TPH2: variants seen among roughly 807,000 people sequenced by gnomAD.
TPH2 encodes the protein tryptophan 5-hydroxylase 2.
A neutral mutation model predicts 59.1 loss-of-function variants in TPH2; 27 were observed. The observed-to-expected ratio is 0.46, with a 90% CI of 0.34 to 0.63. TPH2 has a LOEUF of 0.63. TPH2 is among the 30% of genes least tolerant of loss of function. The probability of loss-of-function intolerance (pLI) is 0.01; values close to 1 mark genes in which losing one functional copy is unlikely to be tolerated. For missense variants in TPH2, 523 were observed against 588.3 expected, an observed-to-expected ratio of 0.89 and a Z score of 1.15; for synonymous variants, 220 against 210.5, an observed-to-expected ratio of 1.05 and a Z score of -0.39.
rs1871169449 is a variant in TPH2, at chr12:71,945,260, T to C, written c.540+574T>C. Among the ~76,000 whole-genome samples the C allele has an allele frequency of 2.0e-5, 3 of 152,114 alleles. No individual in the cohort carries two copies. In the South Asian group the frequency reaches 6.2e-4, roughly 32 times the overall value. On this transcript the variant is annotated intron_variant, in intron 4 of 10. Transcript: ENST00000333850. ...TCCTCTACTCCAATAAAAATGACCA[T>C]CTGTAAAGAAATATGATACTTGGGT...
chr12:71,939,113 C>G (rs780850771), intron 1 of TPH2, 22 bp downstream of exon 1: 1 of 1,577,212 alleles, frequency 6.3e-7, no homozygotes, highest in Non-Finnish European at 8.7e-7. Context: ...GTACCTGGCA[C>G]TATGGAGAAT....
intron 9 of TPH2, among the ~76,000 whole-genome samples, chr12:72,027,502 A>G (rs546048978): frequency 8.9e-4 from 136 of 152,354 alleles, no homozygotes; most frequent in African/African-American, 3.1e-3. Context: ...TTACAGAGGT[A>G]AAGTAATTTG....
intron 8 of TPH2, among the ~76,000 whole-genome samples, chr12:72,000,352 CT>C (rs1323872545): frequency 6.6e-6 from 1 of 152,176 alleles, no homozygotes. Context: ...TCTGTGGACC[CT>C]AATCAATAAT....
chr12:72,011,381 A>G (rs1233864878), intron 8 of TPH2, among the ~76,000 whole-genome samples: 1 of 152,232 alleles, frequency 6.6e-6, no homozygotes, highest in East Asian at 1.9e-4. Context: ...GAATTTTGTA[A>G]AAAATAGAAT....
intron 9 of TPH2, among the ~76,000 whole-genome samples, chr12:72,029,669 T>C (rs900354879): frequency 1.3e-5 from 2 of 152,168 alleles, no homozygotes; most frequent in South Asian, 4.1e-4. Flanking sequence ...GAAGTTGTTC[T>C]GTGGGCCAAA....
chr12:71,943,576 C>T (rs1268212430), intron 2 of TPH2, among the ~76,000 whole-genome samples: 4 of 152,098 alleles, frequency 2.6e-5, no homozygotes, highest in African/African-American at 9.7e-5. Context: ...CAAAAGAGAG[C>T]AATTATTAAA....
At chr12:72,024,294 C>A (rs954359299) in intron 9 of TPH2, among the ~76,000 whole-genome samples, 2 of 152,176 alleles carry the variant, frequency 1.3e-5, no homozygotes, top group East Asian at 1.9e-4. Flanking sequence ...TGGGGTGCAC[C>A]AGTCTGTCAG....
chr12:71,960,887 A>C (rs1157674033), intron 5 of TPH2, among the ~76,000 whole-genome samples: 1 of 152,230 alleles, frequency 6.6e-6, no homozygotes, highest in African/African-American at 2.4e-5. Flanking sequence ...TGTCATCTCC[A>C]GACCTGTTTC....
At chr12:71,972,421 C>T in intron 5 of TPH2, 98 bp from the exon 6 acceptor site, 3 of 1,205,248 alleles carry the variant, frequency 2.5e-6, no homozygotes, top group Admixed American at 1.7e-5. Flanking sequence ...ATGTGCTCCA[C>T]TTTGCCAGGG....
chr12:71,945,298 T>A (rs1871170220), intron 4 of TPH2, among the ~76,000 whole-genome samples: 1 of 152,140 alleles, frequency 6.6e-6, no homozygotes, highest in African/African-American at 2.4e-5. Context: ...GCATTTCCCA[T>A]TATTCTCCCC....
chr12:71,975,859 ATCT>A (rs1872104059), intron 6 of TPH2, among the ~76,000 whole-genome samples: 1 of 152,254 alleles, frequency 6.6e-6, no homozygotes, highest in South Asian at 2.1e-4. Flanking sequence ...TTCTCCTGTC[ATCT>A]TCTTCTTTGT....
chr12:71,969,038 C>T (rs1264189595), intron 5 of TPH2, among the ~76,000 whole-genome samples: 1 of 152,192 alleles, frequency 6.6e-6, no homozygotes, highest in East Asian at 1.9e-4. Context: ...AATCCCAGCA[C>T]TTTGGGAGGC....
At chr12:72,029,831 T>C (rs755139879) in intron 9 of TPH2, among the ~76,000 whole-genome samples, 1 of 152,126 alleles carries the variant, frequency 6.6e-6, no homozygotes, top group Non-Finnish European at 1.5e-5. Context: ...TTTTCAAACT[T>C]AGGGAACCAC....
intron 6 of TPH2, among the ~76,000 whole-genome samples, chr12:71,978,159 A>G (rs906000887): frequency 6.6e-6 from 1 of 152,066 alleles, no homozygotes; most frequent in Non-Finnish European, 1.5e-5. Flanking sequence ...CCTAGAATGT[A>G]TCCCCATTGT....
chr12:71,956,358 C>G (rs2139190245), intron 5 of TPH2, among the ~76,000 whole-genome samples: 1 of 152,200 alleles, frequency 6.6e-6, no homozygotes, highest in South Asian at 2.1e-4. Flanking sequence ...CACTGAGGAC[C>G]ATCTGGGAGG....
intron 5 of TPH2, chr12:71,962,206 G>C: frequency 1.0e-6 from 1 of 985,798 alleles, no homozygotes; most frequent in Non-Finnish European, 1.2e-6. Flanking sequence ...TGAAATTCAG[G>C]CATCATTTAG....
rs1274153629 is a variant in TPH2, at chr12:72,032,282, T to C, written c.*587T>C. The stretch of plus-strand genomic sequence containing the variant: ...AAACACCTTTTTACAAATGGAATTA[T>C]GTAGGTTGCGTTGACCTTGTAGAAC... On this transcript the variant is annotated 3_prime_UTR_variant, in exon 11 of 11. Coordinates refer to ENST00000333850, the MANE Select transcript of TPH2 (RefSeq NM_173353.4). The C allele has an allele frequency of 1.3e-5, 2 of 158,342 alleles. No individual in the cohort carries two copies. Among genetic ancestry groups the C allele is most frequent in the Non-Finnish European group, 2.8e-5 (2 of 71,614 alleles). The allele number at this position is 158,342 out of a possible 1,614,324, so 9.8% of individuals were successfully genotyped here. A position where few individuals can be genotyped will look rare whatever the true frequency, so the allele number is the denominator to read the frequency against.
At chr12:71,941,082 C>A (rs1439063620) in intron 1 of TPH2, among the ~76,000 whole-genome samples, 1 of 152,094 alleles carries the variant, frequency 6.6e-6, no homozygotes, top group Non-Finnish European at 1.5e-5. Context: ...CCATTAATTT[C>A]TGGGCATGTG....
At chr12:72,026,654 T>C (rs1873575668) in intron 9 of TPH2, among the ~76,000 whole-genome samples, 2 of 152,144 alleles carry the variant, frequency 1.3e-5, no homozygotes, top group Admixed American at 1.3e-4. Flanking sequence ...ATGAAGTTAG[T>C]GGTGTTGGTA....
Sources: gnomAD v4.1 joint callset for allele counts (sites outside exome capture counted in the v4.1 genomes callset) on GRCh38, gnomAD v4.1.1 for gene constraint, MANE v1.5 for transcripts, NCBI Gene and HGNC (gene_info 2026-07-23, HGNC 2026-07-21) for gene names.